OVCH1: variants seen among roughly 807,000 people sequenced by gnomAD.
The protein encoded by OVCH1 is ovochymase 1, also known as ovochymase-1.
Under a neutral mutation model 138.4 loss-of-function variants are expected in OVCH1, and 139 were observed. The observed-to-expected ratio is 1.00, with a 90% CI of 0.87 to 1.16. The LOEUF (loss-of-function observed/expected upper bound fraction) is 1.16. Among genes scored for constraint, OVCH1 ranks in the 50% most tolerant of loss-of-function variants. The probability of loss-of-function intolerance (pLI) is 0.00; values close to 1 mark genes in which losing one functional copy is unlikely to be tolerated. For missense variants in OVCH1, 1,367 were observed against 1,357.9 expected, an observed-to-expected ratio of 1.01 and a Z score of -0.11; for synonymous variants, 453 against 467.8, an observed-to-expected ratio of 0.97 and a Z score of 0.41.
At chr12:29,438,919 T>G (rs1941414343) in intron 26 of OVCH1, among the ~76,000 whole-genome samples, 1 of 152,190 alleles carries the variant, frequency 6.6e-6, no homozygotes, top group African/African-American at 2.4e-5. Context: ...GGTCAAGCAT[T>G]GACTTAACCC....
chr12:29,484,841 A>G lies in OVCH1; in HGVS notation c.995+1405T>C, dbSNP rs148630353. Among the ~76,000 whole-genome samples the G allele has an allele frequency of 5.3e-5, 8 of 152,322 alleles. No individual in the cohort carries two copies. In the East Asian group the frequency reaches 9.6e-4, roughly 18 times the overall value. ...AAAAAGCCGATCATTTGCCTCACCC[A>G]TAGACAACATTTCAAAATGATACAG... is the stretch of plus-strand genomic sequence containing the variant. On this transcript the variant is annotated intron_variant, in intron 8 of 27. Coordinates refer to ENST00000318184, the Ensembl canonical transcript of OVCH1.
At chr12:29,418,450 C>G (rs945795502) in intron 3 of OVCH1, among the ~76,000 whole-genome samples, 1 of 152,176 alleles carries the variant, frequency 6.6e-6, no homozygotes, top group Admixed American at 6.5e-5. Flanking sequence ...TGTGTTTATA[C>G]AGATACTTCA....
intron 17 of OVCH1, 77 bp from the exon 18 acceptor site, chr12:29,464,779 A>G: frequency 7.9e-7 from 1 of 1,262,622 alleles, no homozygotes; most frequent in Non-Finnish European, 1.1e-6. Context: ...GATGGTCCAA[A>G]ATAATCCTAA....
intron 14 of OVCH1, among the ~76,000 whole-genome samples, chr12:29,474,409 A>T (rs1484717971): frequency 6.6e-6 from 1 of 152,154 alleles, no homozygotes; most frequent in Non-Finnish European, 1.5e-5. Context: ...CATAACTCCT[A>T]TGTATGTAAG....
chr12:29,472,791 A>G (rs553309749), intron 15 of OVCH1, among the ~76,000 whole-genome samples: 1 of 152,324 alleles, frequency 6.6e-6, no homozygotes, highest in Non-Finnish European at 1.5e-5. Flanking sequence ...ATGAATGAGG[A>G]CAAAACATTG....
chr12:29,493,481 C>A (rs1009254603), intron 4 of OVCH1, among the ~76,000 whole-genome samples: 40 of 152,250 alleles, frequency 2.6e-4, no homozygotes, highest in African/African-American at 8.4e-4. Context: ...ATTACAGTCT[C>A]TCTCTACCAA....
In OVCH1 at chr12:29,486,365, G is replaced by A. The variant is rs373073092; in HGVS notation, c.893-17C>T. On this transcript the variant is annotated splice_polypyrimidine_tract_variant and intron_variant, in intron 7 of 27. Coordinates refer to ENST00000318184, the Ensembl canonical transcript of OVCH1. ...GATCCAAACCTGTAAAAGGTATAAG[G>A]AGTTAGTGCCTTTCCCAATAATAAT... 6.5e-7 allele frequency: 1 copy of A among 1,541,254 alleles called. No homozygotes were observed. The highest frequency in any genetic ancestry group is 8.9e-7 in the Non-Finnish European group (1 of 1,121,924).
exon 15 of OVCH1, chr12:29,473,038 T>C (rs548323407): frequency 6.2e-7 from 1 of 1,609,902 alleles, no homozygotes; most frequent in African/African-American, 1.3e-5. Flanking sequence ...CCATGCAGAA[T>C]AGCTTTTACG....
chr12:29,465,329 T>C, intron 16 of OVCH1, 110 bp from the exon 17 acceptor site: 2 of 909,146 alleles, frequency 2.2e-6, no homozygotes, highest in South Asian at 1.9e-5. Context: ...GAAGACGTTC[T>C]GAGGAAAAGA....
chr12:29,460,873 T>C (rs1592067897), intron 19 of OVCH1, among the ~76,000 whole-genome samples: 1 of 152,148 alleles, frequency 6.6e-6, no homozygotes, highest in Admixed American at 6.6e-5. Context: ...AATAAAGATA[T>C]GCAAAATTCA....
chr12:29,464,499 A>C lies in OVCH1; in HGVS notation c.2125+8T>G. On this transcript the variant is annotated splice_region_variant and intron_variant, in intron 18 of 27. Transcript: ENST00000318184. The stretch of plus-strand genomic sequence containing the variant: ...GCATTAATGTTTATGCAACAAAAAT[A>C]TGCTTACCTGCACTGATGCTTCCCC... 6.2e-7 allele frequency: 1 copy of C among 1,612,398 alleles called. No individual in the cohort carries two copies. The highest frequency in any genetic ancestry group is 8.5e-7 in the Non-Finnish European group (1 of 1,179,076).
At chr12:29,425,912 C>T (rs1008678187), downstream of OVCH1, 4 of 152,126 alleles carry the variant, frequency 2.6e-5, no homozygotes, top group African/African-American at 9.7e-5. Flanking sequence ...ATGTCCACAC[C>T]CTTCTACATC....
intron 19 of OVCH1, among the ~76,000 whole-genome samples, chr12:29,455,876 G>T (rs1383999974): frequency 6.6e-6 from 1 of 151,956 alleles, no homozygotes; most frequent in African/African-American, 2.4e-5. Context: ...TCATTGGGTG[G>T]TAACCTCTAT....
intron 14 of OVCH1, among the ~76,000 whole-genome samples, chr12:29,474,074 T>TATAC (rs1555150616): frequency 6.9e-6 from 1 of 145,192 alleles, no homozygotes; most frequent in Non-Finnish European, 1.5e-5. Context: ...CACACACACA[T>TATAC]ACACACACAC....
At chr12:29,456,935 AATGT>A (rs1941968198) in intron 19 of OVCH1, among the ~76,000 whole-genome samples, 1 of 152,214 alleles carries the variant, frequency 6.6e-6, no homozygotes, top group Admixed American at 6.5e-5. Flanking sequence ...GATGAACACA[AATGT>A]ATTTAGGACC....
At chr12:29,432,542 A>G (rs879401612) in intron 27 of OVCH1, among the ~76,000 whole-genome samples, 3 of 152,172 alleles carry the variant, frequency 2.0e-5, no homozygotes, top group Non-Finnish European at 4.4e-5. Context: ...AATTTTGGTC[A>G]TGTTAAGTTT....
chr12:29,410,442 T>A (rs940294132), downstream of OVCH1, among the ~76,000 whole-genome samples: 1 of 151,512 alleles, frequency 6.6e-6, no homozygotes, highest in Non-Finnish European at 1.5e-5. Flanking sequence ...TTGCAGCGGC[T>A]GATACCGGTT....
At chr12:29,426,404 T>C (rs1941180049), downstream of OVCH1, among the ~76,000 whole-genome samples, 1 of 152,180 alleles carries the variant, frequency 6.6e-6, no homozygotes, top group Non-Finnish European at 1.5e-5. Flanking sequence ...ATAGAGAAGA[T>C]AGACGATGTA....
intron 4 of OVCH1, among the ~76,000 whole-genome samples, chr12:29,491,710 C>A (rs1176329936): frequency 6.6e-6 from 1 of 152,004 alleles, no homozygotes; most frequent in Admixed American, 6.5e-5. Context: ...GAAAAAAGCC[C>A]AGTAACTCCA....
Sources: gnomAD v4.1 joint callset for allele counts (sites outside exome capture counted in the v4.1 genomes callset) on GRCh38, gnomAD v4.1.1 for gene constraint, MANE v1.5 for transcripts, NCBI Gene and HGNC (gene_info 2026-07-23, HGNC 2026-07-21) for gene names.